The following NEURL4 variants were observed in gnomAD, a reference collection of about 807,000 sequenced individuals.
NEURL4 encodes neuralized-like protein 4.
Under a neutral mutation model 148.0 loss-of-function variants are expected in NEURL4, and 45 were observed. That is an observed-to-expected ratio of 0.30 (90% CI 0.24 to 0.39). NEURL4 has a LOEUF of 0.39. NEURL4 is among the 10% of genes least tolerant of loss of function. The pLI, the probability that NEURL4 is intolerant of heterozygous loss-of-function variation, is 1.00. For synonymous variants in NEURL4, 854 were observed against 869.0 expected (o/e 0.98, Z 0.30); for missense variants, 1,776 against 2,144.0 (o/e 0.83, Z 3.39).
rs761118525 is a variant in NEURL4, at chr17:7,322,725, G to C, written c.2725+10C>G. On this transcript the variant is annotated intron_variant, in intron 16 of 28. Coordinates refer to ENST00000399464, the MANE Select transcript of NEURL4 (RefSeq NM_032442.3). This position sits in a 1 kb window ranked among gnomAD's most constrained non-coding sequence, Gnocchi z 5.5. ...GCAGAGCCCGTCCAGCCCCCGCCCT[G>C]CTGCCGCACCTGGGGAGTGCAGTGG... 4.7e-5 allele frequency: 75 copies of C among 1,609,260 alleles called. 1 individual carries two copies. The South Asian group carries it at 7.9e-4, about 17-fold the overall frequency.
Position 7,326,308 on chromosome 17 carries a change from T to C in NEURL4, c.1240A>G (p.Asn414Asp). Residue 414 changes from asparagine (N) to aspartate (D), a missense_variant, in exon 6 of 29, where the codon AAT becomes GAT. Asn to Asp is a conservative substitution (Grantham distance 23). Coordinates refer to ENST00000399464, the MANE Select transcript of NEURL4 (RefSeq NM_032442.3). This position sits in a 1 kb window ranked among gnomAD's most constrained non-coding sequence, Gnocchi z 6.0. ...IMMSGCGILT[N>D]GKGTRREYCE... is the part of the protein sequence containing the mutation. ...TACTCCCGGCGGGTGCCCTTGCCAT[T>C]GGTCAGGATTCCACAGCCGCTCATC... The C allele has an allele frequency of 6.2e-7, 1 of 1,614,134 alleles. No homozygotes were observed. Among genetic ancestry groups the C allele is most frequent in the East Asian group, 2.2e-5 (1 of 44,882 alleles).
In NEURL4 at chr17:7,325,255, G is replaced by C; in HGVS notation, c.1585C>G (p.Gln529Glu). 6.2e-7 allele frequency: 1 copy of C among 1,602,160 alleles called. No individual in the cohort carries two copies. Among genetic ancestry groups the C allele is most frequent in the East Asian group, 2.2e-5 (1 of 44,462 alleles). Reference sequence around the variant, plus strand: ...CCCTCGTGGGTGATGGCTGCCTTCTGCCCACAGTTGGGGTGGAAGAGCAGG... The same window carrying C: ...CCCTCGTGGGTGATGGCTGCCTTCTCCCCACAGTTGGGGTGGAAGAGCAGG... Reference protein sequence around the residue: ...ERLLFHPNCGQKAAITHEGRT... With the variant: ...ERLLFHPNCGEKAAITHEGRT... The change falls in exon 8 of 29, where the codon CAG (glutamine) becomes GAG (glutamate). Residue 529 changes from glutamine (Q) to glutamate (E), a missense_variant. Gln to Glu is a conservative substitution (Grantham distance 29). Coordinates refer to ENST00000399464, the MANE Select transcript of NEURL4 (RefSeq NM_032442.3).
Position 7,317,487 on chromosome 17 carries a change from ACT to A in NEURL4, c.4290_4291del (p.Arg1430SerfsTer104). Reference sequence around the variant, plus strand: ...TGCTCCCAGCTCCCCTCGGTCCAGCACTCTCCGTACAGCGGCAACATTGCTCC... The same window carrying A: ...TGCTCCCAGCTCCCCTCGGTCCAGCACTCCGTACAGCGGCAACATTGCTCC... On this transcript the variant is annotated frameshift_variant, in exon 27 of 29. Transcript: ENST00000399464. LOFTEE classifies it high-confidence loss of function. 1 of 1,613,734 alleles carries A rather than the reference ACT, an allele frequency of 6.2e-7. No individual in the cohort carries two copies. Among genetic ancestry groups the A allele is most frequent in the Non-Finnish European group, 8.5e-7 (1 of 1,179,934 alleles).
chr17:7,317,701 T>C (rs1256844157), intron 26 of NEURL4, 87 bp downstream of exon 26: 7 of 1,583,938 alleles, frequency 4.4e-6, no homozygotes, highest in Non-Finnish European at 4.3e-6. Flanking sequence ...CAGGAAGTTC[T>C]ATTACTTCTT....
chr17:7,316,385 C>G, intron 28 of NEURL4, 58 bp from the exon 29 acceptor site: 5 of 1,416,558 alleles, frequency 3.5e-6, no homozygotes, highest in Non-Finnish European at 4.9e-6. Flanking sequence ...CTCCCCCTTG[C>G]AAAGTCTGTT....
In NEURL4 at chr17:7,324,167, A is replaced by C. The variant is rs1418569447; in HGVS notation, c.2003T>G (p.Val668Gly). 6.2e-7 allele frequency: 1 copy of C among 1,613,674 alleles called. No homozygotes were observed. Among genetic ancestry groups the C allele is most frequent in the Non-Finnish European group, 8.5e-7 (1 of 1,180,002 alleles). Residue 668 changes from valine to glycine, a missense_variant, in exon 11 of 29, where the codon GTC becomes GGC. By Grantham distance (109) the Val-to-Gly change is moderately radical. Transcript: ENST00000399464. The surrounding 1 kb of genome is among the most constrained non-coding windows in gnomAD (Gnocchi z 5.9). ...GPAAWNVPPG[V>G]YAVVDLYGQA... ...GCCATAGAGATCGACGACAGCATAG[A>C]CGCCCGGGGGCACGTTCCAGGCAGC...
In NEURL4 at chr17:7,324,833, G is replaced by C; in HGVS notation, c.1779C>G (p.Leu593=). The C allele has an allele frequency of 1.2e-6, 2 of 1,614,210 alleles. No homozygotes were observed. The highest frequency in any genetic ancestry group is 1.7e-6 in the Non-Finnish European group (2 of 1,180,030). ...IGVTTHNPAY[L]QLPSTMTNLR... ...AGTTGGTCATGGTGGAGGGCAACTG[G>C]AGGTAGGCAGGGTTGTGGGTGGTGA... The change falls in exon 9 of 29, where the codon CTC becomes CTG. Residue 593 remains leucine (L), a synonymous_variant. Transcript: ENST00000399464. The surrounding 1 kb of genome is among the most constrained non-coding windows in gnomAD (Gnocchi z 5.9).
Position 7,323,881 on chromosome 17 carries a change from C to A in NEURL4, c.2194G>T (p.Gly732Trp). Reference protein sequence around the residue: ...LHGSNAVITNGGRTALRHNCR... With the variant: ...LHGSNAVITNWGRTALRHNCR... ...TTGTGGCGGAGGGCGGTGCGGCCCC[C>A]GTTAGTGATGACTGCGTTACTGCCG... is the stretch of plus-strand genomic sequence containing the variant. The change falls in exon 12 of 29, where the codon GGG (glycine) becomes TGG (tryptophan). Residue 732 changes from glycine to tryptophan, a missense_variant. Gly to Trp is a radical substitution (Grantham distance 184). Coordinates refer to ENST00000399464, the MANE Select transcript of NEURL4 (RefSeq NM_032442.3). 6.2e-7 allele frequency: 1 copy of A among 1,613,992 alleles called. No homozygotes were observed. The highest frequency in any genetic ancestry group is 8.5e-7 in the Non-Finnish European group (1 of 1,180,034).
Position 7,327,284 on chromosome 17 carries a change from C to A in NEURL4, c.728-54G>T. The A allele has an allele frequency of 1.3e-6, 2 of 1,519,706 alleles. No individual in the cohort carries two copies. Among genetic ancestry groups the A allele is most frequent in the Non-Finnish European group, 1.8e-6 (2 of 1,131,766 alleles). 94.1% of individuals were successfully genotyped at this position (1,519,706 alleles called of 1,614,324 possible). A position where few individuals can be genotyped will look rare whatever the true frequency, so the allele number is the denominator to read the frequency against. On this transcript the variant is annotated intron_variant, in intron 2 of 28. Coordinates refer to ENST00000399464, the MANE Select transcript of NEURL4 (RefSeq NM_032442.3). The surrounding 1 kb of genome is among the most constrained non-coding windows in gnomAD (Gnocchi z 6.6). ...TAAGGGTTCAGTCCCTGCTTCACGGCCCATAGCCAGGAGAACCCCCCATCC... is the reference window on the plus strand; with the variant it reads ...TAAGGGTTCAGTCCCTGCTTCACGGACCATAGCCAGGAGAACCCCCCATCC...
At position 7,318,754 on chromosome 17, in the gene NEURL4, G is replaced by A. The variant is rs1337000518; in HGVS notation, c.3685-80C>T. On this transcript the variant is annotated intron_variant, in intron 22 of 28. Coordinates refer to ENST00000399464, the MANE Select transcript of NEURL4 (RefSeq NM_032442.3). This position sits in a 1 kb window ranked among gnomAD's most constrained non-coding sequence, Gnocchi z 4.3. ...CCCGCCCTTTGCTCTGCTTCCTTTTGCCAGTGCCTTGGCTTTGCCTCCATG... is the reference window on the plus strand; with the variant it reads ...CCCGCCCTTTGCTCTGCTTCCTTTTACCAGTGCCTTGGCTTTGCCTCCATG... 1.4e-6 allele frequency: 2 copies of A among 1,458,102 alleles called. No individual in the cohort carries two copies. Among genetic ancestry groups the A allele is most frequent in the Non-Finnish European group, 1.9e-6 (2 of 1,081,066 alleles). The allele number at this position is 1,458,102 out of a possible 1,614,324, so 90.3% of individuals were successfully genotyped here.
rs765580978 is a variant in NEURL4, at chr17:7,318,560, C to A, written c.3799G>T (p.Val1267Leu). The A allele has an allele frequency of 2.5e-6, 4 of 1,613,486 alleles. No individual in the cohort carries two copies. The highest frequency in any genetic ancestry group is 2.5e-6 in the Non-Finnish European group (3 of 1,179,792). ...HLHVNGVDQG[V>L]AVPDVPQPCH... ...GGCTGGGGCACATCTGGCACAGCTA[C>A]CCCCTGGTCCACCCCATTAACATGA... Residue 1267 changes from valine (V) to leucine (L), a missense_variant, in exon 23 of 29, where the codon GTA (valine) becomes TTA (leucine). Physicochemically the swap from Val to Leu is conservative, Grantham distance 32. Transcript: ENST00000399464. This position sits in a 1 kb window ranked among gnomAD's most constrained non-coding sequence, Gnocchi z 4.3.
At position 7,323,654 on chromosome 17, in the gene NEURL4, A is replaced by T. The variant is rs1385700473; in HGVS notation, c.2331T>A (p.Ile777=). The T allele has an allele frequency of 6.2e-7, 1 of 1,613,600 alleles. No homozygotes were observed. Among genetic ancestry groups the T allele is most frequent in the South Asian group, 1.1e-5 (1 of 91,016 alleles). The change falls in exon 13 of 29, where the codon ATT becomes ATA. Residue 777 remains isoleucine, a synonymous_variant. Coordinates refer to ENST00000399464, the MANE Select transcript of NEURL4 (RefSeq NM_032442.3). ...CACACAGACGGCCCTCACCAGCCTC[A>T]ATGGAGCCTGACCAGCGGTCCACCA... ...QKMVDRWSGS[I]EAGVTAIRPE... is the part of the protein sequence containing the mutation.
Position 7,315,681 on chromosome 17 carries a change from T to C in NEURL4, c.*442A>G. On this transcript the variant is annotated 3_prime_UTR_variant, in exon 29 of 29. Coordinates refer to ENST00000399464, the MANE Select transcript of NEURL4 (RefSeq NM_032442.3). Reference sequence around the variant, plus strand: ...CTTAGAAATCAGAGTCAGTAACAACTGTACAGAGGCCCCCATCTTCCGTGC... The same window carrying C: ...CTTAGAAATCAGAGTCAGTAACAACCGTACAGAGGCCCCCATCTTCCGTGC... 7 of 424,258 alleles carry C rather than the reference T, an allele frequency of 1.6e-5. No individual in the cohort carries two copies. The highest frequency in any genetic ancestry group is 2.0e-5 in the African/African-American group (1 of 49,028). 26.3% of individuals were successfully genotyped at this position (424,258 alleles called of 1,614,324 possible). A position where few individuals can be genotyped will look rare whatever the true frequency, so the allele number is the denominator to read the frequency against.
At chr17:7,320,989 G>T in intron 20 of NEURL4, 66 bp from the exon 21 acceptor site, 2 of 1,601,858 alleles carry the variant, frequency 1.2e-6, no homozygotes, top group South Asian at 2.2e-5. Flanking sequence ...CCCCACTGGA[G>T]TTTGCACAGA....
intron 26 of NEURL4, 93 bp downstream of exon 26, chr17:7,317,695 A>G: frequency 9.5e-6 from 15 of 1,579,782 alleles, no homozygotes; most frequent in Non-Finnish European, 1.3e-5. Context: ...CTTAGACAGG[A>G]AGTTCTATTA....
chr17:7,325,162 C>CCCCCCCCCCCCCCCCCCCCTCT, intron 8 of NEURL4, 47 bp downstream of exon 8: 1 of 748,832 alleles, frequency 1.3e-6, no homozygotes, highest in Non-Finnish European at 2.1e-6. Flanking sequence ...CCCCCCCCCC[C>CCCCCCCCCCCCCCCCCCCCTCT]CATTAGAATC....
Position 7,324,991 on chromosome 17 carries a change from A to G in NEURL4, c.1632-11T>C, listed in dbSNP as rs766957727. On this transcript the variant is annotated splice_polypyrimidine_tract_variant and intron_variant, in intron 8 of 28. Transcript: ENST00000399464. The surrounding 1 kb of genome is among the most constrained non-coding windows in gnomAD (Gnocchi z 5.9). ...AAGTCATCGGTGGCACTGAGGGCAC[A>G]GCAAGTGGAGAGTCAGATCCCCAAC... is the stretch of plus-strand genomic sequence containing the variant. The G allele has an allele frequency of 3.7e-6, 6 of 1,613,482 alleles. No individual in the cohort carries two copies. In the East Asian group the frequency reaches 8.9e-5, roughly 24 times the overall value.
In NEURL4 at chr17:7,316,060, G is replaced by A; in HGVS notation, c.*63C>T. 2.2e-6 allele frequency: 2 copies of A among 893,774 alleles called. No homozygotes were observed. The highest frequency in any genetic ancestry group is 3.8e-6 in the Non-Finnish European group (2 of 524,496). 55.4% of individuals were successfully genotyped at this position (893,774 alleles called of 1,614,324 possible). A position where few individuals can be genotyped will look rare whatever the true frequency, so the allele number is the denominator to read the frequency against. On this transcript the variant is annotated 3_prime_UTR_variant, in exon 29 of 29. Transcript: ENST00000399464. Reference sequence around the variant, plus strand: ...GAGTCACGGGAATGAGGTGGAGGCAGTCGCCACTCAGAGTCCATGGGCCCG... The same window carrying A: ...GAGTCACGGGAATGAGGTGGAGGCAATCGCCACTCAGAGTCCATGGGCCCG...
Position 7,318,930 on chromosome 17 carries a change from A to C in NEURL4, c.3684+120T>G, listed in dbSNP as rs2072988791. The C allele has an allele frequency of 3.4e-6, 4 of 1,182,308 alleles. No homozygotes were observed. The highest frequency in any genetic ancestry group is 4.7e-6 in the Non-Finnish European group (4 of 842,988). 73.2% of individuals were successfully genotyped at this position (1,182,308 alleles called of 1,614,324 possible). On this transcript the variant is annotated intron_variant, in intron 22 of 28. Coordinates refer to ENST00000399464, the MANE Select transcript of NEURL4 (RefSeq NM_032442.3). The surrounding 1 kb of genome is among the most constrained non-coding windows in gnomAD (Gnocchi z 4.3). ...TGCTACTCGCCCTTGCCTGCCCATT[A>C]CTGTTCCCCTTTTACACCTGTGGTC...
Sources: gnomAD v4.1 joint callset for allele counts on GRCh38, gnomAD v4.1.1 for gene constraint, Gnocchi (gnomAD v3.1) non-coding constraint, MANE v1.5 for transcripts, NCBI Gene and HGNC (gene_info 2026-07-23, HGNC 2026-07-21) for gene names.